LPAR3: variants seen among roughly 807,000 people sequenced by gnomAD.
The protein encoded by LPAR3 is LPA receptor 3.
Under a neutral mutation model 17.8 loss-of-function variants are expected in LPAR3, and 7 were observed. That is an observed-to-expected ratio of 0.39 (90% CI 0.22 to 0.74). The LOEUF is 0.74. Among genes scored for constraint, LPAR3 ranks in the 30% least tolerant of loss-of-function variants. LPAR3 has a pLI of 0.40. For missense variants in LPAR3, 391 were observed against 453.4 expected (o/e 0.86, Z 1.25); for synonymous variants, 179 against 179.9 (o/e 0.99, Z 0.04).
At chr1:84,825,277 A>C (rs1659135263) in intron 2 of LPAR3, among the ~76,000 whole-genome samples, 1 of 152,230 alleles carries the variant, frequency 6.6e-6, no homozygotes, top group Non-Finnish European at 1.5e-5. Flanking sequence ...ACTCCAGCAA[A>C]AACTGGGATC....
At chr1:84,873,308 G>T (rs1300090292) in intron 1 of LPAR3, among the ~76,000 whole-genome samples, 1 of 152,146 alleles carries the variant, frequency 6.6e-6, no homozygotes, top group Non-Finnish European at 1.5e-5. Flanking sequence ...TGTGGGAGGG[G>T]TTATAACATA....
At chr1:84,857,710 C>T (rs1180827400) in intron 2 of LPAR3, among the ~76,000 whole-genome samples, 1 of 152,136 alleles carries the variant, frequency 6.6e-6, no homozygotes, top group Non-Finnish European at 1.5e-5. Context: ...TCGTTCCAGC[C>T]CCCTCACTTC....
intron 2 of LPAR3, among the ~76,000 whole-genome samples, chr1:84,850,173 A>C (rs1294873123): frequency 6.6e-6 from 1 of 152,162 alleles, no homozygotes; most frequent in Non-Finnish European, 1.5e-5. Flanking sequence ...CCTTTTGAAC[A>C]AAAGACCCAC....
chr1:84,880,160 T>C (rs751296151), intron 1 of LPAR3, among the ~76,000 whole-genome samples: 2 of 152,090 alleles, frequency 1.3e-5, no homozygotes, highest in African/African-American at 4.8e-5. Context: ...AGAAACCCCA[T>C]CTCTACTAAA....
chr1:84,853,032 G>A (rs1308070735), intron 2 of LPAR3, among the ~76,000 whole-genome samples: 6 of 151,688 alleles, frequency 4.0e-5, no homozygotes, highest in African/African-American at 7.3e-5. Flanking sequence ...GAGGCAGAAG[G>A]ATCGCTTGAG....
At position 84,855,243 on chromosome 1, in the gene LPAR3, T is replaced by C. The variant is rs547939108; in HGVS notation, c.736+10142A>G. 4.6e-5 allele frequency among the ~76,000 whole-genome samples: 7 copies of C among 152,316 alleles called. No homozygotes were observed. The South Asian group carries it at 1.4e-3, about 32-fold the overall frequency. On this transcript the variant is annotated intron_variant, in intron 2 of 2. Transcript: ENST00000370611. ...CAGCTGAAATTTTCGAAGTACAATG[T>C]TAACATGGAATTTGATAAAATTCTA... is the stretch of plus-strand genomic sequence containing the variant.
chr1:84,821,317 A>G (rs1156907358), intron 2 of LPAR3, among the ~76,000 whole-genome samples: 1 of 152,118 alleles, frequency 6.6e-6, no homozygotes, highest in Admixed American at 6.6e-5. Context: ...CTCCCCATAC[A>G]CGTCCACACA....
At position 84,813,158 on chromosome 1, in the gene LPAR3, T is replaced by TATATAGAGAG. The variant is rs1206774677; in HGVS notation, c.*687_*688insCTCTCTATAT. ...ATATATATATATATATATATATATA[T>TATATAGAGAG]AGACACACACACACACACACACACA... On this transcript the variant is annotated 3_prime_UTR_variant, in exon 3 of 3. Transcript: ENST00000370611. 18 of 101,696 alleles carry TATATAGAGAG rather than the reference T, an allele frequency of 1.8e-4. No homozygotes were observed. The East Asian group carries it at 4.1e-3, about 23-fold the overall frequency. The allele number at this position is 101,696 out of a possible 1,614,324, so 6.3% of individuals were successfully genotyped here.
chr1:84,864,758 G>C (rs967010880), intron 2 of LPAR3, among the ~76,000 whole-genome samples: 3 of 152,034 alleles, frequency 2.0e-5, no homozygotes, highest in South Asian at 2.1e-4. Context: ...ACTCCAGCCT[G>C]GGTGACAGAG....
chr1:84,893,196 A>G lies in LPAR3; in HGVS notation c.-199T>C, dbSNP rs918806804. ...CTCCAGCGACCCCTGCGACGCGTCC[A>G]GAGCCAAAGGAAAGTTTGGCGGTGC... is the stretch of plus-strand genomic sequence containing the variant. On this transcript the variant is annotated 5_prime_UTR_variant, in exon 1 of 3. Coordinates refer to ENST00000370611, the MANE Select transcript of LPAR3 (RefSeq NM_012152.3). 2 of 152,116 alleles carry G rather than the reference A, an allele frequency of 1.3e-5. No individual in the cohort carries two copies. Among genetic ancestry groups the G allele is most frequent in the Admixed American group, 6.5e-5 (1 of 15,278 alleles). 9.4% of individuals were successfully genotyped at this position (152,116 alleles called of 1,614,324 possible). A position where few individuals can be genotyped will look rare whatever the true frequency, so the allele number is the denominator to read the frequency against.
At chr1:84,859,588 A>G (rs907175548) in intron 2 of LPAR3, among the ~76,000 whole-genome samples, 6 of 152,192 alleles carry the variant, frequency 3.9e-5, no homozygotes, top group African/African-American at 1.4e-4. Context: ...GCACGCAAAG[A>G]AAGGTTATAA....
In LPAR3 at chr1:84,865,886, C is replaced by A. The variant is rs753449311; in HGVS notation, c.235G>T (p.Ala79Ser). The A allele has an allele frequency of 2.0e-5, 32 of 1,613,880 alleles. 1 individual carries two copies. In the South Asian group the frequency reaches 3.5e-4, roughly 18 times the overall value. ...ATCAGGAATACATAGGCAATTCCAG[C>A]GAAGAAATCGGCAGCAGCTAAATTA... is the stretch of plus-strand genomic sequence containing the variant. ...LANLAAADFF[A>S]GIAYVFLMFN... The change falls in exon 2 of 3, where the codon GCT becomes TCT. Residue 79 changes from alanine (A) to serine (S), a missense_variant. Physicochemically the swap from Ala to Ser is moderately conservative, Grantham distance 99 (BLOSUM62 1). Transcript: ENST00000370611.
chr1:84,866,162 A>G, intron 1 of LPAR3, 24 bp from the exon 2 acceptor site: 1 of 1,504,536 alleles, frequency 6.6e-7, no homozygotes, highest in Non-Finnish European at 8.9e-7. Flanking sequence ...TAAAGAAGAA[A>G]CAAATATCAT....
chr1:84,867,342 T>C (rs924752615), intron 1 of LPAR3, among the ~76,000 whole-genome samples: 2 of 152,164 alleles, frequency 1.3e-5, no homozygotes, highest in Admixed American at 6.5e-5. Context: ...TCACTGAGAA[T>C]GAGGCTGCAG....
At chr1:84,891,637 A>G (rs1660553808) in intron 1 of LPAR3, among the ~76,000 whole-genome samples, 1 of 152,252 alleles carries the variant, frequency 6.6e-6, no homozygotes, top group Non-Finnish European at 1.5e-5. Context: ...TGATGGATCA[A>G]TGGAAAATCC....
chr1:84,883,388 GT>G (rs1183332447), intron 1 of LPAR3, among the ~76,000 whole-genome samples: 1 of 152,192 alleles, frequency 6.6e-6, no homozygotes, highest in Non-Finnish European at 1.5e-5. Context: ...ACTAGCTGGT[GT>G]TTTTCATTAC....
chr1:84,823,098 G>T (rs1204543131), intron 2 of LPAR3, among the ~76,000 whole-genome samples: 2 of 152,054 alleles, frequency 1.3e-5, no homozygotes, highest in African/African-American at 4.8e-5. Context: ...ATAAAAGTCA[G>T]GTTTGTGGAC....
rs186618064 is a variant in LPAR3 at position 84,829,135 on chromosome 1, T to C, written c.737-14964A>G. Among the ~76,000 whole-genome samples the C allele has an allele frequency of 1.7e-4, 26 of 150,858 alleles. No homozygotes were observed. The East Asian group carries it at 5.1e-3, about 29-fold the overall frequency. ...TAAAATATTATTCTGCTTGATTTCC[T>C]TGTATCCCTCTCTGCAATTTTTTTT... On this transcript the variant is annotated intron_variant, in intron 2 of 2. Coordinates refer to ENST00000370611, the MANE Select transcript of LPAR3 (RefSeq NM_012152.3).
chr1:84,812,896 T>C lies in LPAR3; in HGVS notation c.*950A>G, dbSNP rs945626146. On this transcript the variant is annotated 3_prime_UTR_variant, in exon 3 of 3. Coordinates refer to ENST00000370611, the MANE Select transcript of LPAR3 (RefSeq NM_012152.3). ...TTCCATAGGCACTTCAAACTTCACA[T>C]TCTCTTCTCCTTGTTTTCTGCATAA... is the stretch of plus-strand genomic sequence containing the variant. 2.6e-5 allele frequency: 4 copies of C among 151,820 alleles called. No individual in the cohort carries two copies. The highest frequency in any genetic ancestry group is 2.0e-4 in the Admixed American group (3 of 15,240). The allele number at this position is 151,820 out of a possible 1,614,324, so 9.4% of individuals were successfully genotyped here.
Sources: gnomAD v4.1 joint callset for allele counts (sites outside exome capture counted in the v4.1 genomes callset) on GRCh38, gnomAD v4.1.1 for gene constraint, MANE v1.5 for transcripts, NCBI Gene and HGNC (gene_info 2026-07-23, HGNC 2026-07-21) for gene names.